The following SNAP29 variants were observed in gnomAD, a reference collection of about 807,000 sequenced individuals.
SNAP29 encodes the protein synaptosome associated protein 29.
Under a neutral mutation model 27.9 loss-of-function variants are expected in SNAP29, and 13 were observed. That is an observed-to-expected ratio of 0.47 (90% CI 0.30 to 0.74). SNAP29 has a LOEUF of 0.74. SNAP29 is among the 30% of genes least tolerant of loss of function. The pLI, the probability that SNAP29 is intolerant of heterozygous loss-of-function variation, is 0.06. For synonymous variants in SNAP29, 119 were observed against 127.1 expected (o/e 0.94, Z 0.43); for missense variants, 368 against 336.5 (o/e 1.09, Z -0.73).
intron 2 of SNAP29, among the ~76,000 whole-genome samples, chr22:20,874,280 C>T (rs1451503596): frequency 6.7e-6 from 1 of 148,354 alleles, no homozygotes; most frequent in Non-Finnish European, 1.5e-5. Context: ...CCAGCCTGGG[C>T]GACAGAGCAA....
chr22:20,886,765 C>T (rs182596255), intron 4 of SNAP29, among the ~76,000 whole-genome samples: 1 of 152,080 alleles, frequency 6.6e-6, no homozygotes, highest in Non-Finnish European at 1.5e-5. Flanking sequence ...GCATGCACCA[C>T]CACATCTGGC....
intron 4 of SNAP29, among the ~76,000 whole-genome samples, chr22:20,885,827 T>C (rs929515038): frequency 9.9e-5 from 15 of 152,182 alleles, no homozygotes; most frequent in Non-Finnish European, 2.1e-4. Flanking sequence ...GCCGGTCCAC[T>C]CTGGTGGGGC....
At position 20,888,926 on chromosome 22, in the gene SNAP29, A is replaced by AGG. The variant is rs1163008049; in HGVS notation, c.*1094_*1095dup. The AGG allele has an allele frequency of 6.6e-6, 1 of 152,244 alleles. No homozygotes were observed. Among genetic ancestry groups the AGG allele is most frequent in the African/African-American group, 2.4e-5 (1 of 41,458 alleles). 9.4% of individuals were successfully genotyped at this position (152,244 alleles called of 1,614,324 possible). On this transcript the variant is annotated 3_prime_UTR_variant, in exon 5 of 5. Transcript: ENST00000215730. ...GACTTTGTATAGAAGGATTTTGCTA[A>AGG]GGGGGCAAAAAGCCCAGATACCATT...
chr22:20,878,407 C>T (rs2147869440), intron 2 of SNAP29, among the ~76,000 whole-genome samples: 1 of 151,998 alleles, frequency 6.6e-6, no homozygotes, highest in Non-Finnish European at 1.5e-5. Flanking sequence ...ATACAAAAAC[C>T]CTGTACTAAA....
At chr22:20,860,321 C>G (rs1928244916) in intron 1 of SNAP29, among the ~76,000 whole-genome samples, 1 of 151,178 alleles carries the variant, frequency 6.6e-6, no homozygotes, top group African/African-American at 2.4e-5. Flanking sequence ...CGTGCTGCTG[C>G]ACTCCAGCAT....
intron 1 of SNAP29, among the ~76,000 whole-genome samples, chr22:20,863,287 A>G (rs178069): frequency 0.5 from 75,405 of 152,030 alleles, 19,269 homozygotes; most frequent in African/African-American, 0.6. Context: ...AAATTCCAGC[A>G]TACCCTGCTA....
At chr22:20,863,572 G>A (rs1928384797) in intron 1 of SNAP29, among the ~76,000 whole-genome samples, 1 of 152,196 alleles carries the variant, frequency 6.6e-6, no homozygotes, top group South Asian at 2.1e-4. Flanking sequence ...GGAGCAGGGC[G>A]GTTTCCCCAG....
chr22:20,862,457 G>A (rs1325594703), intron 1 of SNAP29, among the ~76,000 whole-genome samples: 1 of 152,208 alleles, frequency 6.6e-6, no homozygotes, highest in Non-Finnish European at 1.5e-5. Flanking sequence ...GTCCAGAGGA[G>A]GGACATGATA....
rs184881372 is a variant in SNAP29, at chr22:20,875,896, C to T, written c.435-5153C>T. Among the ~76,000 whole-genome samples, 606 of 151,930 alleles carry T rather than the reference C, an allele frequency of 4.0e-3. 5 individuals carry two copies. Among genetic ancestry groups the T allele is most frequent in the Non-Finnish European group, 6.8e-3 (459 of 67,974 alleles). On this transcript the variant is annotated intron_variant, in intron 2 of 4. Coordinates refer to ENST00000215730, the MANE Select transcript of SNAP29 (RefSeq NM_004782.4). ...GGGGGGGCGGCTGGGTGCAGTGGCT[C>T]ACGCCTGTAATCCCAGCACTTTTGG... is the stretch of plus-strand genomic sequence containing the variant.
At chr22:20,870,584 G>C (rs1371012458) in intron 2 of SNAP29, 51 bp downstream of exon 2, 1 of 1,548,086 alleles carries the variant, frequency 6.5e-7, no homozygotes, top group Non-Finnish European at 8.9e-7. Context: ...GTGGGGATTA[G>C]TGCAAATGAC....
intron 2 of SNAP29, among the ~76,000 whole-genome samples, chr22:20,874,348 G>GCC (rs796471759): frequency 1.3e-4 from 8 of 63,146 alleles, no homozygotes; most frequent in Non-Finnish European, 2.3e-4. Context: ...ACGAAAATTA[G>GCC]CCACACACAC....
chr22:20,870,728 A>G (rs1452015947), intron 2 of SNAP29, 195 bp downstream of exon 2: 2 of 650,808 alleles, frequency 3.1e-6, no homozygotes, highest in Non-Finnish European at 5.5e-6. Flanking sequence ...CTTGATTGAC[A>G]TCTAGTCTGT....
intron 1 of SNAP29, among the ~76,000 whole-genome samples, chr22:20,865,390 C>A (rs1316082152): frequency 6.6e-6 from 1 of 152,082 alleles, no homozygotes; most frequent in Non-Finnish European, 1.5e-5. Flanking sequence ...GATCCCAGGC[C>A]AATTTGCTGG....
intron 2 of SNAP29, among the ~76,000 whole-genome samples, chr22:20,878,960 T>TA (rs975857975): frequency 2.0e-5 from 3 of 152,174 alleles, no homozygotes; most frequent in Non-Finnish European, 4.4e-5. Flanking sequence ...TATAGGGACT[T>TA]ACGTGATGAG....
intron 1 of SNAP29, among the ~76,000 whole-genome samples, chr22:20,864,578 G>A (rs1207789486): frequency 2.0e-5 from 3 of 152,196 alleles, no homozygotes; most frequent in Admixed American, 6.5e-5. Flanking sequence ...CTGAGGCAGC[G>A]TGTGGTGATA....
At chr22:20,881,468 C>A (rs981008770) in intron 3 of SNAP29, among the ~76,000 whole-genome samples, 1 of 152,234 alleles carries the variant, frequency 6.6e-6, no homozygotes, top group African/African-American at 2.4e-5. Context: ...CTTTGGGAGG[C>A]CAAGCTGGGT....
intron 4 of SNAP29, 114 bp from the exon 5 acceptor site, chr22:20,887,565 G>T (rs1929048008): frequency 9.1e-7 from 1 of 1,097,318 alleles, no homozygotes; most frequent in African/African-American, 1.5e-5. Context: ...AGTGGGTGCA[G>T]TCCCCCCAGG....
chr22:20,887,663 T>A lies in SNAP29; in HGVS notation c.620-16T>A. On this transcript the variant is annotated splice_polypyrimidine_tract_variant and intron_variant, in intron 4 of 4. Transcript: ENST00000215730. ...ACTGTTTGCTCATGCCTGCGTGTCA[T>A]TTCCTCCTCCTGCAGATGAGCTGTC... The A allele has an allele frequency of 6.2e-7, 1 of 1,614,142 alleles. No homozygotes were observed. Among genetic ancestry groups the A allele is most frequent in the Non-Finnish European group, 8.5e-7 (1 of 1,180,022 alleles).
chr22:20,861,236 G>A (rs1928311659), intron 1 of SNAP29, among the ~76,000 whole-genome samples: 1 of 147,884 alleles, frequency 6.8e-6, no homozygotes, highest in Non-Finnish European at 1.5e-5. Context: ...TCCTGCCTCA[G>A]CCTCCTGAGT....
Sources: gnomAD v4.1 joint callset for allele counts (sites outside exome capture counted in the v4.1 genomes callset) on GRCh38, gnomAD v4.1.1 for gene constraint, MANE v1.5 for transcripts, NCBI Gene and HGNC (gene_info 2026-07-23, HGNC 2026-07-21) for gene names.